The following FBXO3 variants were observed in gnomAD, a reference collection of about 807,000 sequenced individuals.
FBXO3 encodes the protein F-box protein 3.
In FBXO3, 17 loss-of-function variants were observed where a neutral mutation model predicts 64.8. The ratio of observed to expected loss-of-function variants is 0.26; its 90% CI spans 0.18 to 0.39. The LOEUF (loss-of-function observed/expected upper bound fraction) is 0.39. Ranked by LOEUF, FBXO3 falls within the 10% of genes least tolerant of loss-of-function variation. The pLI is 1.00. For missense variants in FBXO3, 420 were observed against 589.9 expected, an observed-to-expected ratio of 0.71 and a Z score of 2.98; for synonymous variants, 182 against 201.6, an observed-to-expected ratio of 0.90 and a Z score of 0.82.
At position 33,749,768 on chromosome 11, in the gene FBXO3, G is replaced by T. The variant is rs532485290; in HGVS notation, c.932+771C>A. Among the ~76,000 whole-genome samples, 155 of 152,166 alleles carry T rather than the reference G, an allele frequency of 1.0e-3. 1 individual carries two copies. Among genetic ancestry groups the T allele is most frequent in the African/African-American group, 3.6e-3 (151 of 41,522 alleles). ...TTGAGTACCCTATAAGTATGTGTTG[G>T]TATTTTTATTTTGAGCACATCTCAA... On this transcript the variant is annotated intron_variant, in intron 8 of 10. Coordinates refer to ENST00000265651, the MANE Select transcript of FBXO3 (RefSeq NM_012175.4).
intron 4 of FBXO3, 32 bp downstream of exon 4, chr11:33,758,455 A>G: frequency 1.4e-6 from 2 of 1,479,592 alleles, no homozygotes; most frequent in Non-Finnish European, 1.9e-6. Flanking sequence ...AACTTGCATC[A>G]TTAAAAATAA....
At chr11:33,772,095 T>C (rs1855525176) in intron 1 of FBXO3, 1 of 152,172 alleles carries the variant, frequency 6.6e-6, no homozygotes, top group South Asian at 2.1e-4. Flanking sequence ...CACTCTGAAA[T>C]GGAGAGGGTA....
chr11:33,748,876 C>A lies in FBXO3; in HGVS notation c.949G>T (p.Asp317Tyr). ...TGACAGGCCTTCTCAGGAAGTGCAT[C>A]TTTTGACATTTCAATCCTAGAGAAG... ...TYRIRIEMSK[D>Y]ALPEKACQLD... The change falls in exon 9 of 11, where the codon GAT becomes TAT. Residue 317 changes from aspartate to tyrosine, a missense_variant. Physicochemically the swap from Asp to Tyr is radical, Grantham distance 160. Coordinates refer to ENST00000265651, the MANE Select transcript of FBXO3 (RefSeq NM_012175.4). 1 of 1,612,864 alleles carries A rather than the reference C, an allele frequency of 6.2e-7. No individual in the cohort carries two copies. The highest frequency in any genetic ancestry group is 8.5e-7 in the Non-Finnish European group (1 of 1,179,034).
At chr11:33,771,445 A>G (rs1855508699) in intron 1 of FBXO3, 3 of 152,182 alleles carry the variant, frequency 2.0e-5, no homozygotes, top group African/African-American at 7.2e-5. Context: ...GAAGCAAATA[A>G]CTTTCTTACT....
At chr11:33,770,477 G>A (rs917359692) in intron 2 of FBXO3, among the ~76,000 whole-genome samples, 3 of 152,256 alleles carry the variant, frequency 2.0e-5, no homozygotes, top group African/African-American at 7.2e-5. Context: ...GGGGAAGTCA[G>A]GGAGGGAGAT....
At position 33,768,894 on chromosome 11, in the gene FBXO3, T is replaced by C. The variant is rs775993823; in HGVS notation, c.315A>G (p.Lys105=). The part of the protein sequence containing the change: ...AIKKAWDDLK[K]YLEPRCPRMV... ...TCCGAGGACACCTGGGCTCCAAATA[T>C]TTCTTGAGATCATCCCAGGCCTTTT... The change falls in exon 3 of 11, where the codon AAA becomes AAG. Residue 105 remains lysine, a synonymous_variant. Coordinates refer to ENST00000265651, the MANE Select transcript of FBXO3 (RefSeq NM_012175.4). 6.2e-7 allele frequency: 1 copy of C among 1,614,108 alleles called. No homozygotes were observed. The highest frequency in any genetic ancestry group is 1.1e-5 in the South Asian group (1 of 91,078).
At chr11:33,757,528 A>C (rs1317808888) in intron 4 of FBXO3, among the ~76,000 whole-genome samples, 1 of 146,752 alleles carries the variant, frequency 6.8e-6, no homozygotes, top group Non-Finnish European at 1.5e-5. Context: ...AAAAAAAAAA[A>C]AAAAGCTGAG....
intron 3 of FBXO3, among the ~76,000 whole-genome samples, chr11:33,762,933 T>C (rs1274288601): frequency 6.6e-6 from 1 of 152,102 alleles, no homozygotes; most frequent in Non-Finnish European, 1.5e-5. Context: ...GAAAAGGTGG[T>C]ATCACCACAG....
rs992220582 is a variant in FBXO3, at chr11:33,755,718, T to C, written c.678+53A>G. The C allele has an allele frequency of 3.7e-6, 5 of 1,335,908 alleles. No homozygotes were observed. In the African/African-American group the frequency reaches 7.2e-5, roughly 19 times the overall value. The allele number at this position is 1,335,908 out of a possible 1,614,324, so 82.8% of individuals were successfully genotyped here. ...TGAAAATACCTAATGCATGCATTTA[T>C]ACAACCATCAGAACACATCTTAATG... On this transcript the variant is annotated intron_variant, in intron 5 of 10. Transcript: ENST00000265651.
Position 33,741,995 on chromosome 11 carries a change from A to G in FBXO3, c.1329T>C (p.Asp443=). The G allele has an allele frequency of 6.2e-7, 1 of 1,612,164 alleles. No homozygotes were observed. Among genetic ancestry groups the G allele is most frequent in the East Asian group, 2.2e-5 (1 of 44,870 alleles). ...CCTCTTCATCATCTTCATCTGATTCATCCATATCTGCTGAATCATCATCCT... is the reference window on the plus strand; with the variant it reads ...CCTCTTCATCATCTTCATCTGATTCGTCCATATCTGCTGAATCATCATCCT... The part of the protein sequence containing the change: ...EDEDDDSADM[D]ESDEDDEEER... Residue 443 remains aspartate (D), a synonymous_variant, in exon 11 of 11, where the codon GAT becomes GAC. Transcript: ENST00000265651.
chr11:33,755,229 C>T (rs980531277), intron 5 of FBXO3, among the ~76,000 whole-genome samples: 1 of 152,026 alleles, frequency 6.6e-6, no homozygotes, highest in African/African-American at 2.4e-5. Context: ...CATATCTAGG[C>T]AAAAATGAAG....
At chr11:33,747,348 A>G (rs761061269) in intron 9 of FBXO3, 28 bp from the exon 10 acceptor site, 2 of 1,551,666 alleles carry the variant, frequency 1.3e-6, no homozygotes, top group African/African-American at 1.4e-5. Context: ...ACAATAAACC[A>G]AAGTATAAAA....
intron 3 of FBXO3, among the ~76,000 whole-genome samples, chr11:33,761,327 A>C (rs1855236307): frequency 6.6e-6 from 1 of 152,190 alleles, no homozygotes. Context: ...TCAGATAAAA[A>C]ACAAAAAATT....
At position 33,768,840 on chromosome 11, in the gene FBXO3, A is replaced by T. The variant is rs1436358709; in HGVS notation, c.358+11T>A. The T allele has an allele frequency of 1.2e-6, 2 of 1,613,860 alleles. No individual in the cohort carries two copies. On this transcript the variant is annotated intron_variant, in intron 3 of 10. Transcript: ENST00000265651. The stretch of plus-strand genomic sequence containing the variant: ...ATGGAAACGGGGAAAGGGACCCTGA[A>T]TTCCCAGTACCTTTCAGAGATAAAA...
chr11:33,759,765 T>G (rs1855197132), intron 3 of FBXO3, among the ~76,000 whole-genome samples: 1 of 151,772 alleles, frequency 6.6e-6, no homozygotes, highest in Non-Finnish European at 1.5e-5. Flanking sequence ...GTTATTGGAG[T>G]TAGTAAACAT....
At chr11:33,756,915 G>C (rs1017818291) in intron 4 of FBXO3, 2 of 468,800 alleles carry the variant, frequency 4.3e-6, no homozygotes, top group African/African-American at 2.0e-5. Context: ...TTTTTATAGA[G>C]ACAGGCAGGA....
At chr11:33,774,321 G>T in intron 1 of FBXO3, 73 bp downstream of exon 1, 1 of 1,263,490 alleles carries the variant, frequency 7.9e-7, no homozygotes, top group South Asian at 1.3e-5. Flanking sequence ...CAGCGGCCCC[G>T]ACCCCCTTTC....
intron 2 of FBXO3, 137 bp from the exon 3 acceptor site, chr11:33,769,151 G>T: frequency 1.4e-6 from 1 of 731,930 alleles, no homozygotes; most frequent in African/African-American, 1.8e-5. Context: ...AGATCAGATA[G>T]CAAAAAGTGA....
chr11:33,751,128 A>G (rs1433783654), intron 7 of FBXO3, among the ~76,000 whole-genome samples: 12 of 152,202 alleles, frequency 7.9e-5, no homozygotes, highest in Non-Finnish European at 1.5e-5. Flanking sequence ...AGTACTCCCT[A>G]CAATACCTGA....
Sources: allele counts gnomAD v4.1 joint callset (sites outside exome capture counted in the v4.1 genomes callset), GRCh38; gene constraint gnomAD v4.1.1; transcripts MANE v1.5; gene names NCBI Gene and HGNC (gene_info 2026-07-23, HGNC 2026-07-21).